PTPRD: variants seen among roughly 807,000 people sequenced by gnomAD.
The protein encoded by PTPRD is protein tyrosine phosphatase receptor type D, also known as receptor-type tyrosine-protein phosphatase delta.
In PTPRD, 34 loss-of-function variants were observed where a neutral mutation model predicts 214.5. The ratio of observed to expected loss-of-function variants is 0.16; its 90% CI spans 0.12 to 0.21. The LOEUF (loss-of-function observed/expected upper bound fraction) is 0.21. Among genes scored for constraint, PTPRD ranks in the 10% least tolerant of loss-of-function variants. The pLI, the probability that PTPRD is intolerant of heterozygous loss-of-function variation, is 1.00. For synonymous variants in PTPRD, 1,128 were observed against 845.7 expected, an observed-to-expected ratio of 1.33 and a Z score of -5.79; for missense variants, 2,545 against 2,398.7, an observed-to-expected ratio of 1.06 and a Z score of -1.27.
chr9:9,698,921 C>G (rs2097435177), intron 7 of PTPRD, among the ~76,000 whole-genome samples: 1 of 152,152 alleles, frequency 6.6e-6, no homozygotes, highest in African/African-American at 2.4e-5. Context: ...GTCTCATCCT[C>G]ACATATAAAT....
chr9:8,760,627 TGG>T (rs776844583), intron 11 of PTPRD, among the ~76,000 whole-genome samples: 1 of 151,140 alleles, frequency 6.6e-6, no homozygotes, highest in Admixed American at 6.6e-5. Flanking sequence ...TGTGTGTGTG[TGG>T]CGGTGGGGGG....
At chr9:10,351,007 A>T (rs982392898) in intron 2 of PTPRD, among the ~76,000 whole-genome samples, 4 of 152,160 alleles carry the variant, frequency 2.6e-5, no homozygotes, top group Non-Finnish European at 4.4e-5. Flanking sequence ...GAAAGGAGCC[A>T]AAGGTCAGTT....
chr9:9,804,333 A>G (rs1565393871), intron 5 of PTPRD, among the ~76,000 whole-genome samples: 1 of 152,098 alleles, frequency 6.6e-6, no homozygotes, highest in Non-Finnish European at 1.5e-5. Flanking sequence ...AAATGGCTGG[A>G]AATATGGATC....
At chr9:8,720,433 G>C (rs1029585317) in intron 12 of PTPRD, among the ~76,000 whole-genome samples, 2 of 152,202 alleles carry the variant, frequency 1.3e-5, no homozygotes, top group Non-Finnish European at 2.9e-5. Flanking sequence ...CACATTCAAG[G>C]AGTGGGGAAA....
intron 11 of PTPRD, among the ~76,000 whole-genome samples, chr9:8,948,453 T>TTA (rs1172637237): frequency 0.05 from 678 of 13,522 alleles, 156 homozygotes; most frequent in Non-Finnish European, 0.094. Context: ...ATATATATAT[T>TTA]TATATATATA....
At chr9:9,052,251 C>G (rs1569510098) in intron 10 of PTPRD, among the ~76,000 whole-genome samples, 1 of 152,290 alleles carries the variant, frequency 6.6e-6, no homozygotes, top group East Asian at 1.9e-4. Context: ...TATCTAATCA[C>G]TTCCCAAAGG....
chr9:9,803,282 G>A (rs753620696), intron 5 of PTPRD, among the ~76,000 whole-genome samples: 10 of 150,246 alleles, frequency 6.7e-5, no homozygotes, highest in Non-Finnish European at 1.2e-4. Flanking sequence ...TCAGTAAACC[G>A]CTCAGTGATA....
intron 11 of PTPRD, among the ~76,000 whole-genome samples, chr9:8,849,261 C>T (rs1036072192): frequency 2.0e-5 from 3 of 150,450 alleles, no homozygotes; most frequent in East Asian, 3.9e-4. Flanking sequence ...CTGCAAGCTC[C>T]GCCTCTCGGG....
chr9:9,018,619 G>A (rs2099546243), intron 11 of PTPRD, 78 bp downstream of exon 11: 1 of 152,048 alleles, frequency 6.6e-6, no homozygotes, highest in Non-Finnish European at 1.5e-5. Context: ...ACCCACAGTA[G>A]TAAAGAAACA....
At chr9:9,630,058 G>A (rs1276440965) in intron 7 of PTPRD, among the ~76,000 whole-genome samples, 1 of 152,156 alleles carries the variant, frequency 6.6e-6, no homozygotes, top group East Asian at 1.9e-4. Flanking sequence ...TCTAGGAGGA[G>A]GACACAGGTT....
At chr9:9,833,134 G>T (rs905433843) in intron 5 of PTPRD, among the ~76,000 whole-genome samples, 6 of 151,954 alleles carry the variant, frequency 3.9e-5, no homozygotes, top group African/African-American at 1.4e-4. Context: ...ATATTTCTAA[G>T]GAACAAAATA....
chr9:10,382,850 A>G (rs774428505), intron 2 of PTPRD, among the ~76,000 whole-genome samples: 2 of 151,840 alleles, frequency 1.3e-5, no homozygotes, highest in African/African-American at 2.4e-5. Flanking sequence ...CTATTTTTAA[A>G]TTTTTTATAT....
intron 5 of PTPRD, among the ~76,000 whole-genome samples, chr9:9,906,457 C>T (rs539288686): frequency 3.7e-4 from 56 of 151,940 alleles, no homozygotes; most frequent in South Asian, 1.9e-3. Flanking sequence ...TTGGTGCCTA[C>T]GTAATCAGTA....
At position 9,770,529 on chromosome 9, in the gene PTPRD, AT is replaced by A. The variant is rs561068422; in HGVS notation, c.-367-3679del. Among the ~76,000 whole-genome samples the A allele has an allele frequency of 2.2e-3, 337 of 152,258 alleles. 1 individual carries two copies. The highest frequency in any genetic ancestry group is 7.7e-3 in the African/African-American group (319 of 41,558). On this transcript the variant is annotated intron_variant, in intron 5 of 45. Transcript: ENST00000381196. ...AAAACTAATCCTTGAACACAGTATT[AT>A]TTTTTGTCACCATTTAATGTAATCT...
chr9:9,009,121 T>A (rs1479369129), intron 11 of PTPRD, among the ~76,000 whole-genome samples: 1 of 146,536 alleles, frequency 6.8e-6, no homozygotes, highest in Non-Finnish European at 1.5e-5. Flanking sequence ...CAAATCATTC[T>A]CTCATTCACC....
chr9:10,567,283 ACTT>A (rs1467520359), intron 2 of PTPRD, among the ~76,000 whole-genome samples: 1 of 152,170 alleles, frequency 6.6e-6, no homozygotes, highest in Non-Finnish European at 1.5e-5. Context: ...AAAATGAAAT[ACTT>A]CTTAATGTGT....
chr9:9,941,028 C>G (rs138719467), intron 4 of PTPRD, among the ~76,000 whole-genome samples: 279 of 152,154 alleles, frequency 1.8e-3, no homozygotes, highest in African/African-American at 6.6e-3. Flanking sequence ...TTGTCTTGGG[C>G]TACACATAAG....
intron 5 of PTPRD, among the ~76,000 whole-genome samples, chr9:9,787,205 A>G (rs1360021585): frequency 1.3e-5 from 2 of 151,958 alleles, no homozygotes; most frequent in Non-Finnish European, 2.9e-5. Flanking sequence ...ACTAGATTTT[A>G]TAAAATATTT....
intron 5 of PTPRD, among the ~76,000 whole-genome samples, chr9:9,772,955 C>T (rs1319112038): frequency 1.3e-5 from 2 of 152,188 alleles, no homozygotes; most frequent in South Asian, 2.1e-4. Flanking sequence ...ATGCTAGTCC[C>T]CTTCTTTCTA....
Sources: gnomAD v4.1 joint callset for allele counts (sites outside exome capture counted in the v4.1 genomes callset) on GRCh38, gnomAD v4.1.1 for gene constraint, MANE v1.5 for transcripts, NCBI Gene and HGNC (gene_info 2026-07-23, HGNC 2026-07-21) for gene names.